Variants in RBPMS observed in about 807,000 individuals in gnomAD.
RBPMS encodes RNA binding protein, mRNA processing factor, also known as RNA-binding protein with multiple splicing.
RBPMS carries 7 observed loss-of-function variants against 26.8 expected under a neutral mutation model. The ratio of observed to expected loss-of-function variants is 0.26; its 90% CI spans 0.15 to 0.49. The LOEUF is 0.49. RBPMS is among the 20% of genes least tolerant of loss of function. The pLI, the probability that RBPMS is intolerant of heterozygous loss-of-function variation, is 0.98. For missense variants in RBPMS, 186 were observed against 250.0 expected (o/e 0.74, Z 1.73); for synonymous variants, 96 against 93.3 (o/e 1.03, Z -0.17).
intron 6 of RBPMS, chr8:30,547,604 T>C (rs1455213176): frequency 1.1e-5 from 9 of 856,402 alleles, no homozygotes; most frequent in East Asian, 8.8e-5. Flanking sequence ...TTTGGGAGAA[T>C]TGGGCCTGTG....
In RBPMS at chr8:30,530,897, G is replaced by A. The variant is rs1317491301; in HGVS notation, c.398-13597G>A. Among the ~76,000 whole-genome samples the A allele has an allele frequency of 2.0e-5, 3 of 152,198 alleles. No individual in the cohort carries two copies. In the East Asian group the frequency reaches 5.8e-4, roughly 29 times the overall value. On this transcript the variant is annotated intron_variant, in intron 5 of 8. Coordinates refer to ENST00000397323, the MANE Select transcript of RBPMS (RefSeq NM_001008710.3). ...GCCCGAGGTCACATAGATGGTAAGT[G>A]ACCAGGGACTTCAAACCTAGATCTA...
intron 1 of RBPMS, among the ~76,000 whole-genome samples, chr8:30,420,580 C>T (rs868236782): frequency 1.3e-5 from 2 of 152,030 alleles, no homozygotes; most frequent in Non-Finnish European, 2.9e-5. Context: ...ATTTTTCATG[C>T]GGGTCAGTTG....
At position 30,525,741 on chromosome 8, in the gene RBPMS, T is replaced by C. The variant is rs532461131; in HGVS notation, c.398-18753T>C. On this transcript the variant is annotated intron_variant, in intron 5 of 8. Coordinates refer to ENST00000397323, the MANE Select transcript of RBPMS (RefSeq NM_001008710.3). ...GTGACTCTAGTACAGAGAAAGGCAT[T>C]TGATGTGGCACAGCCCTAGGCCAGG... is the stretch of plus-strand genomic sequence containing the variant. 5.9e-5 allele frequency among the ~76,000 whole-genome samples: 9 copies of C among 152,326 alleles called. No individual in the cohort carries two copies. In the South Asian group the frequency reaches 1.9e-3, roughly 32 times the overall value.
intron 6 of RBPMS, among the ~76,000 whole-genome samples, chr8:30,551,886 A>C (rs1826414625): frequency 6.6e-6 from 1 of 152,218 alleles, no homozygotes; most frequent in Non-Finnish European, 1.5e-5. Flanking sequence ...GGGAAGAATG[A>C]ACATCTCCAT....
chr8:30,392,982 CT>C (rs1296096235), intron 1 of RBPMS, among the ~76,000 whole-genome samples: 1 of 152,072 alleles, frequency 6.6e-6, no homozygotes, highest in Non-Finnish European at 1.5e-5. Flanking sequence ...AATGGAATTC[CT>C]GCTTTCTAGG....
At chr8:30,513,986 A>C (rs1822018454) in intron 5 of RBPMS, among the ~76,000 whole-genome samples, 1 of 152,132 alleles carries the variant, frequency 6.6e-6, no homozygotes, top group Admixed American at 6.5e-5. Context: ...GGCCTATATT[A>C]TTTTCACAAA....
At chr8:30,484,178 T>C (rs887950753) in intron 4 of RBPMS, among the ~76,000 whole-genome samples, 4 of 152,320 alleles carry the variant, frequency 2.6e-5, no homozygotes, top group Admixed American at 6.5e-5. Context: ...TCCATAGTGG[T>C]TGCACCATTT....
At chr8:30,411,321 A>G (rs1436919292) in intron 1 of RBPMS, among the ~76,000 whole-genome samples, 1 of 151,960 alleles carries the variant, frequency 6.6e-6, no homozygotes, top group Non-Finnish European at 1.5e-5. Flanking sequence ...TCTGTGGGAG[A>G]CAGAGGACGG....
chr8:30,469,148 G>A (rs1294646840), intron 1 of RBPMS, among the ~76,000 whole-genome samples: 1 of 152,200 alleles, frequency 6.6e-6, no homozygotes, highest in African/African-American at 2.4e-5. Flanking sequence ...CTGAAGTCGA[G>A]CATTTTTCTA....
chr8:30,424,297 C>T (rs1811115930), intron 1 of RBPMS, among the ~76,000 whole-genome samples: 1 of 152,156 alleles, frequency 6.6e-6, no homozygotes, highest in African/African-American at 2.4e-5. Context: ...TTGGGAATAA[C>T]AAAATCCACA....
chr8:30,551,110 C>T (rs895750926), intron 6 of RBPMS, among the ~76,000 whole-genome samples: 1 of 152,158 alleles, frequency 6.6e-6, no homozygotes, highest in African/African-American at 2.4e-5. Context: ...CCAGGAAACC[C>T]GAGAATCTGC....
At chr8:30,486,363 A>AT (rs565844049) in intron 4 of RBPMS, among the ~76,000 whole-genome samples, 171 of 106,714 alleles carry the variant, frequency 1.6e-3, no homozygotes, top group Admixed American at 2.6e-3. Flanking sequence ...AATAAATAAC[A>AT]TAAAAAAAAA....
chr8:30,446,365 A>C (rs1478713923), intron 1 of RBPMS, among the ~76,000 whole-genome samples: 1 of 152,164 alleles, frequency 6.6e-6, no homozygotes, highest in Non-Finnish European at 1.5e-5. Flanking sequence ...TCTGTTTCAA[A>C]CTTGACACTC....
chr8:30,539,801 T>C (rs951221780), intron 5 of RBPMS, among the ~76,000 whole-genome samples: 8 of 151,984 alleles, frequency 5.3e-5, no homozygotes, highest in African/African-American at 1.9e-4. Flanking sequence ...CAGTTTTTTA[T>C]TTTTAGTAGA....
intron 1 of RBPMS, among the ~76,000 whole-genome samples, chr8:30,457,100 G>A (rs1053572152): frequency 6.6e-6 from 1 of 152,184 alleles, no homozygotes; most frequent in Non-Finnish European, 1.5e-5. Context: ...GTCATACCAG[G>A]TTCCAAAGAT....
At chr8:30,527,578 T>G (rs1477161731) in intron 5 of RBPMS, among the ~76,000 whole-genome samples, 1 of 152,174 alleles carries the variant, frequency 6.6e-6, no homozygotes, top group East Asian at 1.9e-4. Context: ...AGTCTTTTCA[T>G]AATTTACCAT....
At chr8:30,415,496 C>T (rs1809956611) in intron 1 of RBPMS, among the ~76,000 whole-genome samples, 1 of 152,178 alleles carries the variant, frequency 6.6e-6, no homozygotes, top group Non-Finnish European at 1.5e-5. Context: ...TCCTGCAGAC[C>T]CTATGCTTCA....
intron 6 of RBPMS, among the ~76,000 whole-genome samples, chr8:30,549,018 C>T (rs1826081463): frequency 6.6e-6 from 1 of 152,218 alleles, no homozygotes; most frequent in Non-Finnish European, 1.5e-5. Flanking sequence ...AGTCGCCCAG[C>T]AGCGAGACAG....
intron 5 of RBPMS, among the ~76,000 whole-genome samples, chr8:30,510,473 A>C (rs1385051804): frequency 6.6e-6 from 1 of 150,866 alleles, no homozygotes; most frequent in Non-Finnish European, 1.5e-5. Flanking sequence ...TCTAAAACTC[A>C]TTGCTAGTCT....
Sources: gnomAD v4.1 joint callset for allele counts (sites outside exome capture counted in the v4.1 genomes callset) on GRCh38, gnomAD v4.1.1 for gene constraint, MANE v1.5 for transcripts, NCBI Gene and HGNC (gene_info 2026-07-23, HGNC 2026-07-21) for gene names.